The following RPS27L variants were observed in gnomAD, a reference collection of about 807,000 sequenced individuals.
RPS27L encodes the protein ribosomal protein eS27-like.
In RPS27L, 10 loss-of-function variants were observed where a neutral mutation model predicts 12.8. The ratio of observed to expected loss-of-function variants is 0.78; its 90% CI spans 0.48 to 1.33. The LOEUF is 1.33. RPS27L is among the 40% of genes most tolerant of loss of function. The pLI is 0.00. For synonymous variants in RPS27L, 26 were observed against 32.3 expected (o/e 0.81, Z 0.66); for missense variants, 81 against 97.4 (o/e 0.83, Z 0.71).
chr15:63,156,888 T>C (rs749445427), intron 1 of RPS27L: 24 of 434,816 alleles, frequency 5.5e-5, no homozygotes, highest in Non-Finnish European at 9.7e-5. Flanking sequence ...ACTGCTGAAG[T>C]AGACCAGACA....
rs1011604249 is a variant in RPS27L at position 63,149,251 on chromosome 15, G to A, written c.*4781C>T. 2.6e-5 allele frequency: 4 copies of A among 152,016 alleles called. No individual in the cohort carries two copies. The highest frequency in any genetic ancestry group is 2.6e-4 in the Admixed American group (4 of 15,262). The allele number at this position is 152,016 out of a possible 1,614,324, so 9.4% of individuals were successfully genotyped here. ...TTCTATAAAAGTTATCCTTTTCTTT[G>A]TAAAATGCAATAATGTACTCTATTC... On this transcript the variant is annotated 3_prime_UTR_variant, in exon 4 of 4. Coordinates refer to ENST00000330964, the MANE Select transcript of RPS27L (RefSeq NM_015920.4).
In RPS27L at chr15:63,153,815, C is replaced by G. The variant is rs991290495; in HGVS notation, c.*217G>C. ...ATACACCATATATATAAATGTATGG[C>G]ATACTCAAATATATTTTAAAAAAAG... is the stretch of plus-strand genomic sequence containing the variant. On this transcript the variant is annotated 3_prime_UTR_variant, in exon 4 of 4. Coordinates refer to ENST00000330964, the MANE Select transcript of RPS27L (RefSeq NM_015920.4). 33 of 537,316 alleles carry G rather than the reference C, an allele frequency of 6.1e-5. No individual in the cohort carries two copies. Among genetic ancestry groups the G allele is most frequent in the Non-Finnish European group, 9.6e-5 (29 of 302,632 alleles). 33.3% of individuals were successfully genotyped at this position (537,316 alleles called of 1,614,324 possible).
chr15:63,155,481 G>T, intron 3 of RPS27L, 140 bp downstream of exon 3: 1 of 552,476 alleles, frequency 1.8e-6, no homozygotes, highest in South Asian at 2.7e-5. Flanking sequence ...CATTTGAACA[G>T]GCCATTCTTT....
Position 63,151,173 on chromosome 15 carries a change from C to G in RPS27L, c.*2859G>C, listed in dbSNP as rs2037297249. On this transcript the variant is annotated 3_prime_UTR_variant, in exon 4 of 4. Transcript: ENST00000330964. ...CACTTTTCAAAACCAGTAATACCAT[C>G]TAGATTAATAATAAAGTAAAACTTA... 6.6e-6 allele frequency: 1 copy of G among 152,182 alleles called. No homozygotes were observed. Among genetic ancestry groups the G allele is most frequent in the East Asian group, 1.9e-4 (1 of 5,196 alleles). 9.4% of individuals were successfully genotyped at this position (152,182 alleles called of 1,614,324 possible).
In RPS27L at chr15:63,150,343, T is replaced by C. The variant is rs1374428137; in HGVS notation, c.*3689A>G. The C allele has an allele frequency of 2.0e-5, 3 of 152,156 alleles. No homozygotes were observed. The highest frequency in any genetic ancestry group is 2.9e-5 in the Non-Finnish European group (2 of 68,030). 9.4% of individuals were successfully genotyped at this position (152,156 alleles called of 1,614,324 possible). ...ACAAAAGTAGCTTAGTGGCTGCCAATGGCTGAGAGGAGGGAAGAATAGGGA... is the reference window on the plus strand; with the variant it reads ...ACAAAAGTAGCTTAGTGGCTGCCAACGGCTGAGAGGAGGGAAGAATAGGGA... On this transcript the variant is annotated 3_prime_UTR_variant, in exon 4 of 4. Transcript: ENST00000330964.
chr15:63,148,386 A>G lies in RPS27L; in HGVS notation c.*5646T>C, dbSNP rs75512522. ...AGAAAAAACACAACTTCAAATTAATACAAAGACAAGATAAAGAACATAGAG... is the reference window on the plus strand; with the variant it reads ...AGAAAAAACACAACTTCAAATTAATGCAAAGACAAGATAAAGAACATAGAG... On this transcript the variant is annotated 3_prime_UTR_variant, in exon 4 of 4. Coordinates refer to ENST00000330964, the MANE Select transcript of RPS27L (RefSeq NM_015920.4). 8.1e-5 allele frequency: 12 copies of G among 148,026 alleles called. No individual in the cohort carries two copies. The highest frequency in any genetic ancestry group is 1.8e-4 in the Non-Finnish European group (12 of 67,666). 9.2% of individuals were successfully genotyped at this position (148,026 alleles called of 1,614,324 possible).
In RPS27L at chr15:63,151,090, A is replaced by G. The variant is rs2037296838; in HGVS notation, c.*2942T>C. Reference sequence around the variant, plus strand: ...ATAAATAATATTTAAAACATTCAGTATATAATAATGTATGTGGCTGACCCT... The same window carrying G: ...ATAAATAATATTTAAAACATTCAGTGTATAATAATGTATGTGGCTGACCCT... On this transcript the variant is annotated 3_prime_UTR_variant, in exon 4 of 4. Coordinates refer to ENST00000330964, the MANE Select transcript of RPS27L (RefSeq NM_015920.4). The G allele has an allele frequency of 6.6e-6, 1 of 152,230 alleles. No individual in the cohort carries two copies. The highest frequency in any genetic ancestry group is 2.4e-5 in the African/African-American group (1 of 41,460). The allele number at this position is 152,230 out of a possible 1,614,324, so 9.4% of individuals were successfully genotyped here. A position where few individuals can be genotyped will look rare whatever the true frequency, so the allele number is the denominator to read the frequency against.
chr15:63,156,958 T>C (rs908510220), intron 1 of RPS27L: 3 of 354,612 alleles, frequency 8.5e-6, no homozygotes, highest in Non-Finnish European at 1.5e-5. Context: ...ACAGGAATTC[T>C]TGCTGAGCGA....
intron 3 of RPS27L, 40 bp downstream of exon 3, chr15:63,155,581 T>C (rs1318199984): frequency 8.0e-7 from 1 of 1,249,660 alleles, no homozygotes. Context: ...TTTATAATCA[T>C]CAATCTCATC....
At position 63,157,439 on chromosome 15, in the gene RPS27L, C is replaced by T. The variant is rs1443111029; in HGVS notation, c.-34G>A. 1 of 1,613,734 alleles carries T rather than the reference C, an allele frequency of 6.2e-7. No homozygotes were observed. Among genetic ancestry groups the T allele is most frequent in the African/African-American group, 1.3e-5 (1 of 75,044 alleles). The stretch of plus-strand genomic sequence containing the variant: ...TCTTGCAAGCTCAGCCCTACCAGAC[C>T]TCCCAGCCCACACAGCTAGCAAGCT... On this transcript the variant is annotated 5_prime_UTR_variant, in exon 1 of 4. Transcript: ENST00000330964.
rs1185165971 is a variant in RPS27L at position 63,153,510 on chromosome 15, T to C, written c.*522A>G. ...ATCTGTAATCCTTTAATCCCATTCA[T>C]AGCAATTTGGAAAAGGAATGAAAAT... On this transcript the variant is annotated 3_prime_UTR_variant, in exon 4 of 4. Coordinates refer to ENST00000330964, the MANE Select transcript of RPS27L (RefSeq NM_015920.4). 3 of 152,728 alleles carry C rather than the reference T, an allele frequency of 2.0e-5. No homozygotes were observed. Among genetic ancestry groups the C allele is most frequent in the East Asian group, 3.8e-4 (2 of 5,200 alleles). The allele number at this position is 152,728 out of a possible 1,614,324, so 9.5% of individuals were successfully genotyped here. A position where few individuals can be genotyped will look rare whatever the true frequency, so the allele number is the denominator to read the frequency against.
At chr15:63,156,770 G>T (rs1021731981) in intron 1 of RPS27L, 6 of 589,562 alleles carry the variant, frequency 1.0e-5, no homozygotes, top group Non-Finnish European at 1.8e-5. Context: ...GGCAAACTTT[G>T]TCCTTCTTTA....
chr15:63,155,084 C>A (rs2037323181), intron 3 of RPS27L: 1 of 152,000 alleles, frequency 6.6e-6, no homozygotes, highest in Non-Finnish European at 1.5e-5. Flanking sequence ...GTCAGGAGAT[C>A]AAGACCATCC....
chr15:63,155,627 T>C lies in RPS27L; in HGVS notation c.220A>G (p.Thr74Ala), dbSNP rs1480378391. The C allele has an allele frequency of 3.8e-6, 6 of 1,584,226 alleles. No individual in the cohort carries two copies. Among genetic ancestry groups the C allele is most frequent in the Non-Finnish European group, 5.2e-6 (6 of 1,161,890 alleles). ...AGAATGCCAAATGATATACCTTCTG[T>C]GAGTCTGGCCTTTCCTCCTGTAGGC... ...CQPTGGKARL[T>A]EGCSFRRKQH Residue 74 changes from threonine (T) to alanine (A), a missense_variant, in exon 3 of 4, where the codon ACA becomes GCA. Thr to Ala is a moderately conservative substitution (Grantham distance 58). Coordinates refer to ENST00000330964, the MANE Select transcript of RPS27L (RefSeq NM_015920.4).
In RPS27L at chr15:63,150,552, CT is replaced by C. The variant is rs2037293794; in HGVS notation, c.*3479del. On this transcript the variant is annotated 3_prime_UTR_variant, in exon 4 of 4. Coordinates refer to ENST00000330964, the MANE Select transcript of RPS27L (RefSeq NM_015920.4). ...AAAATAAAACAGAAAGGAATTAGAGCTTTATCAGATGACTTACAGGAACGAC... is the reference window on the plus strand; with the variant it reads ...AAAATAAAACAGAAAGGAATTAGAGCTTATCAGATGACTTACAGGAACGAC... 6.6e-6 allele frequency: 1 copy of C among 152,212 alleles called. No homozygotes were observed. The highest frequency in any genetic ancestry group is 1.5e-5 in the Non-Finnish European group (1 of 68,038). 9.4% of individuals were successfully genotyped at this position (152,212 alleles called of 1,614,324 possible).
chr15:63,152,680 A>T lies in RPS27L; in HGVS notation c.*1352T>A, dbSNP rs979753642. 1 of 151,910 alleles carries T rather than the reference A, an allele frequency of 6.6e-6. No homozygotes were observed. The highest frequency in any genetic ancestry group is 1.5e-5 in the Non-Finnish European group (1 of 68,010). 9.4% of individuals were successfully genotyped at this position (151,910 alleles called of 1,614,324 possible). A position where few individuals can be genotyped will look rare whatever the true frequency, so the allele number is the denominator to read the frequency against. On this transcript the variant is annotated 3_prime_UTR_variant, in exon 4 of 4. Coordinates refer to ENST00000330964, the MANE Select transcript of RPS27L (RefSeq NM_015920.4). Reference sequence around the variant, plus strand: ...CCAGCTAATTTTGCATTTTTAGTAGAGACGGGGTTTTTCCATGTTGGTCAG... The same window carrying T: ...CCAGCTAATTTTGCATTTTTAGTAGTGACGGGGTTTTTCCATGTTGGTCAG...
chr15:63,154,183 A>G, intron 3 of RPS27L, 123 bp from the exon 4 acceptor site: 2 of 742,488 alleles, frequency 2.7e-6, no homozygotes, highest in Non-Finnish European at 4.6e-6. Context: ...ATACTCATAT[A>G]CAGATTATTT....
rs1450172945 is a variant in RPS27L at position 63,150,707 on chromosome 15, C to A, written c.*3325G>T. 1.3e-5 allele frequency: 2 copies of A among 152,082 alleles called. No individual in the cohort carries two copies. Among genetic ancestry groups the A allele is most frequent in the African/African-American group, 4.8e-5 (2 of 41,374 alleles). The allele number at this position is 152,082 out of a possible 1,614,324, so 9.4% of individuals were successfully genotyped here. ...CCAGGCTGGAGTGCAGAGGCGTGATCTTGGCTCACTGCAAGCTCCGCCTCC... is the reference window on the plus strand; with the variant it reads ...CCAGGCTGGAGTGCAGAGGCGTGATATTGGCTCACTGCAAGCTCCGCCTCC... On this transcript the variant is annotated 3_prime_UTR_variant, in exon 4 of 4. Transcript: ENST00000330964.
rs1476341288 is a variant in RPS27L at position 63,156,540 on chromosome 15, T to C, written c.7-19A>G. On this transcript the variant is annotated intron_variant, in intron 1 of 3. Transcript: ENST00000330964. ...TAGCCAACTGAACAAAGAAGCATAT[T>C]ATTACTATTAGTTTTAAACCACAAC... The C allele has an allele frequency of 7.0e-7, 1 of 1,434,356 alleles. No homozygotes were observed. The highest frequency in any genetic ancestry group is 9.8e-7 in the Non-Finnish European group (1 of 1,022,198). 88.9% of individuals were successfully genotyped at this position (1,434,356 alleles called of 1,614,324 possible).
Sources: gnomAD v4.1 joint callset for allele counts on GRCh38, gnomAD v4.1.1 for gene constraint, MANE v1.5 for transcripts, NCBI Gene and HGNC (gene_info 2026-07-23, HGNC 2026-07-21) for gene names.